The following OSBPL8 variants were observed in gnomAD, a reference collection of about 807,000 sequenced individuals.
The protein encoded by OSBPL8 is oxysterol binding protein like 8.
In OSBPL8, 59 loss-of-function variants were observed where a neutral mutation model predicts 125.5. That is an observed-to-expected ratio of 0.47 (90% CI 0.38 to 0.58). The LOEUF is 0.58. Ranked by LOEUF, OSBPL8 falls within the 20% of genes least tolerant of loss-of-function variation. OSBPL8 has a pLI of 0.00. For missense variants in OSBPL8, 758 were observed against 1,047.8 expected, an observed-to-expected ratio of 0.72 and a Z score of 3.82; for synonymous variants, 330 against 338.9, an observed-to-expected ratio of 0.97 and a Z score of 0.29.
chr12:76,391,998 A>C (rs1019347471), intron 10 of OSBPL8, among the ~76,000 whole-genome samples: 1 of 152,218 alleles, frequency 6.6e-6, no homozygotes, highest in Non-Finnish European at 1.5e-5. Flanking sequence ...CCTGAATCTC[A>C]AGAAAGTCTT....
intron 4 of OSBPL8, among the ~76,000 whole-genome samples, chr12:76,429,887 TA>T (rs5799270): frequency 0.43 from 63,084 of 148,296 alleles, 13,631 homozygotes; most frequent in Non-Finnish European, 0.47. Context: ...ACAAGGGTTT[TA>T]AAAAAAAAAA....
intron 12 of OSBPL8, among the ~76,000 whole-genome samples, chr12:76,387,030 T>A (rs1953343367): frequency 6.6e-6 from 1 of 152,186 alleles, no homozygotes; most frequent in South Asian, 2.1e-4. Context: ...AGGCACTGTG[T>A]GATTTCTAGC....
chr12:76,432,871 G>T (rs922909303), intron 4 of OSBPL8, among the ~76,000 whole-genome samples: 4 of 152,088 alleles, frequency 2.6e-5, no homozygotes, highest in Non-Finnish European at 5.9e-5. Context: ...TAAAATATTG[G>T]CAAACAGAAT....
chr12:76,408,042 T>C (rs1466676588), intron 5 of OSBPL8, among the ~76,000 whole-genome samples: 2 of 150,170 alleles, frequency 1.3e-5, no homozygotes, highest in Non-Finnish European at 2.9e-5. Flanking sequence ...ATGATGGCAA[T>C]GTGCCTGCAG....
intron 12 of OSBPL8, among the ~76,000 whole-genome samples, chr12:76,388,978 C>T (rs1291113669): frequency 6.6e-6 from 1 of 152,110 alleles, no homozygotes; most frequent in African/African-American, 2.4e-5. Flanking sequence ...TGCCTTGAAA[C>T]ACCATTATTG....
At chr12:76,528,330 CA>C (rs35479771) in intron 1 of OSBPL8, among the ~76,000 whole-genome samples, 23,647 of 93,498 alleles carry the variant, frequency 0.25, 1,407 homozygotes, top group Middle Eastern at 0.31. Flanking sequence ...GACTCCGTCT[CA>C]AAAAAAAAAA....
intron 1 of OSBPL8, among the ~76,000 whole-genome samples, chr12:76,504,156 G>A (rs778095551): frequency 2.0e-5 from 3 of 151,024 alleles, no homozygotes; most frequent in Non-Finnish European, 2.9e-5. Flanking sequence ...ACTCAAGACT[G>A]CAACATCAGC....
At position 76,395,821 on chromosome 12, in the gene OSBPL8, A is replaced by G. The variant is rs1311547356; in HGVS notation, c.673-1092T>C. ...TTCTTAATCACAAACACTGGCTTCT[A>G]AAATATTTAAACAATATCCTAAGTA... On this transcript the variant is annotated intron_variant, in intron 8 of 23. Transcript: ENST00000261183. Among the ~76,000 whole-genome samples, 6 of 152,140 alleles carry G rather than the reference A, an allele frequency of 3.9e-5. No homozygotes were observed. The East Asian group carries it at 1.2e-3, about 29-fold the overall frequency.
chr12:76,389,855 A>T (rs1198701641), intron 11 of OSBPL8, 26 bp from the exon 12 acceptor site: 31 of 1,446,132 alleles, frequency 2.1e-5, no homozygotes, highest in Non-Finnish European at 2.8e-5. Context: ...AAAATTACCA[A>T]AACATTATAT....
At chr12:76,507,301 G>A (rs533469951) in intron 1 of OSBPL8, among the ~76,000 whole-genome samples, 1 of 151,766 alleles carries the variant, frequency 6.6e-6, no homozygotes, top group South Asian at 2.1e-4. Context: ...CAGGGAAAAG[G>A]AAGGAGCACC....
chr12:76,418,248 G>A (rs1868986178), intron 4 of OSBPL8, among the ~76,000 whole-genome samples: 1 of 151,918 alleles, frequency 6.6e-6, no homozygotes, highest in Non-Finnish European at 1.5e-5. Context: ...CAGGTGATCT[G>A]CCCACCTCGG....
intron 4 of OSBPL8, among the ~76,000 whole-genome samples, chr12:76,445,860 A>C (rs972456870): frequency 6.6e-6 from 1 of 152,130 alleles, no homozygotes. Context: ...ACTACCCCCC[A>C]AAAAATATAT....
At chr12:76,402,867 C>T in intron 5 of OSBPL8, 101 bp from the exon 6 acceptor site, 1 of 776,768 alleles carries the variant, frequency 1.3e-6, no homozygotes, top group Non-Finnish European at 2.1e-6. Context: ...TCATTTATTG[C>T]TATGATTTAA....
At chr12:76,378,649 A>G (rs986944638) in intron 15 of OSBPL8, 99 bp from the exon 16 acceptor site, 1 of 778,150 alleles carries the variant, frequency 1.3e-6, no homozygotes. Context: ...TCTACAGTAG[A>G]AAGTCTTAAA....
Position 76,485,138 on chromosome 12 carries a change from G to A in OSBPL8, c.42+2372C>T, listed in dbSNP as rs371575197. On this transcript the variant is annotated intron_variant, in intron 2 of 23. Transcript: ENST00000261183. ...GGGTTTCATCATGCTGGCCAGGCTGGTCTCGAGCTCCTGACCTCAGGTGAT... is the reference window on the plus strand; with the variant it reads ...GGGTTTCATCATGCTGGCCAGGCTGATCTCGAGCTCCTGACCTCAGGTGAT... 2.1e-3 allele frequency among the ~76,000 whole-genome samples: 315 copies of A among 151,954 alleles called. 2 individuals carry two copies. The highest frequency in any genetic ancestry group is 6.9e-3 in the African/African-American group (287 of 41,484).
At chr12:76,363,376 C>G (rs1331032612) in intron 21 of OSBPL8, among the ~76,000 whole-genome samples, 2 of 152,190 alleles carry the variant, frequency 1.3e-5, no homozygotes, top group African/African-American at 4.8e-5. Context: ...ACCATCTGAT[C>G]TTGGACAAAC....
At chr12:76,523,084 C>T (rs138036712) in intron 1 of OSBPL8, among the ~76,000 whole-genome samples, 5 of 152,240 alleles carry the variant, frequency 3.3e-5, no homozygotes, top group East Asian at 1.9e-4. Context: ...GTGATCTGTC[C>T]GCCTCAGCTT....
intron 4 of OSBPL8, among the ~76,000 whole-genome samples, chr12:76,416,707 A>G (rs926104484): frequency 6.6e-6 from 1 of 151,910 alleles, no homozygotes; most frequent in Non-Finnish European, 1.5e-5. Flanking sequence ...TTATTCTTTT[A>G]TATGTAGATA....
intron 2 of OSBPL8, among the ~76,000 whole-genome samples, chr12:76,476,916 G>A (rs1592750911): frequency 6.6e-6 from 1 of 152,118 alleles, no homozygotes; most frequent in Non-Finnish European, 1.5e-5. Context: ...AAAGTAAGCA[G>A]ACATTCAACA....
Sources: allele counts gnomAD v4.1 joint callset (sites outside exome capture counted in the v4.1 genomes callset), GRCh38; gene constraint gnomAD v4.1.1; transcripts MANE v1.5; gene names NCBI Gene and HGNC (gene_info 2026-07-23, HGNC 2026-07-21).